The following CRYBG3 variants were observed in gnomAD, a reference collection of about 807,000 sequenced individuals.
The protein encoded by CRYBG3 is very large A-kinase anchor protein.
A neutral mutation model predicts 244.2 loss-of-function variants in CRYBG3; 127 were observed. The observed-to-expected ratio is 0.52, with a 90% CI of 0.45 to 0.60. The LOEUF is 0.60. Ranked by LOEUF, CRYBG3 falls within the 20% of genes least tolerant of loss-of-function variation. The probability of loss-of-function intolerance (pLI) is 0.00; values close to 1 mark genes in which losing one functional copy is unlikely to be tolerated. For synonymous variants in CRYBG3, 1,132 were observed against 1,195.8 expected (o/e 0.95, Z 1.10); for missense variants, 3,325 against 3,442.5 (o/e 0.97, Z 0.85).
intron 15 of CRYBG3, among the ~76,000 whole-genome samples, chr3:97,910,457 G>A (rs540893342): frequency 1.5e-3 from 231 of 152,316 alleles, no homozygotes; most frequent in Non-Finnish European, 2.4e-3. Context: ...GTGGTGTACC[G>A]TTTTTTAAGC....
In CRYBG3 at chr3:97,873,631, G is replaced by A; in HGVS notation, c.2437G>A (p.Val813Ile). Residue 813 changes from valine (V) to isoleucine (I), a missense_variant, in exon 4 of 22, where the codon GTA (valine) becomes ATA (isoleucine). Physicochemically the swap from Val to Ile is conservative, Grantham distance 29 (BLOSUM62 3). Around this residue, in one of 4 missense-constraint regions of CRYBG3, gnomAD observed 1,526 missense variants for 1,443.2 expected, o/e 1.06. Transcript: ENST00000389622. ...CTTGGAAGCCAAAACTGCTAACATT[G>A]TATCAAAAGCTGAAATTGATGGTCA... ...LSLEAKTANIVSKAEIDGQNN... is the reference protein window; with the variant it reads ...LSLEAKTANIISKAEIDGQNN... 1 of 1,534,544 alleles carries A rather than the reference G, an allele frequency of 6.5e-7. No individual in the cohort carries two copies. The highest frequency in any genetic ancestry group is 1.4e-5 in the African/African-American group (1 of 73,070).
chr3:97,823,742 G>GA (rs1272042340), intron 1 of CRYBG3, among the ~76,000 whole-genome samples: 1 of 152,226 alleles, frequency 6.6e-6, no homozygotes, highest in Non-Finnish European at 1.5e-5. Context: ...AGTCTGCAAG[G>GA]AAATCCCAAG....
chr3:97,885,716 C>T (rs2039500128), intron 7 of CRYBG3, among the ~76,000 whole-genome samples: 2 of 152,086 alleles, frequency 1.3e-5, no homozygotes, highest in Non-Finnish European at 2.9e-5. Flanking sequence ...AGCATGAAGA[C>T]CAATATGATT....
intron 1 of CRYBG3, among the ~76,000 whole-genome samples, chr3:97,835,720 G>A (rs1037874250): frequency 6.6e-6 from 1 of 152,130 alleles, no homozygotes; most frequent in Non-Finnish European, 1.5e-5. Context: ...TTTCAGTTGG[G>A]GGGGAGGTCA....
intron 3 of CRYBG3, among the ~76,000 whole-genome samples, chr3:97,865,109 A>G (rs998585785): frequency 6.6e-6 from 1 of 152,170 alleles, no homozygotes; most frequent in Non-Finnish European, 1.5e-5. Flanking sequence ...AAACTAAAAT[A>G]TTGCTTGAAT....
intron 2 of CRYBG3, among the ~76,000 whole-genome samples, chr3:97,844,232 G>T (rs1200203390): frequency 6.6e-6 from 1 of 152,066 alleles, no homozygotes; most frequent in Non-Finnish European, 1.5e-5. Flanking sequence ...TCACTCCTTT[G>T]TGAGTCTGGC....
chr3:97,858,138 A>G (rs972275192), intron 2 of CRYBG3, among the ~76,000 whole-genome samples: 4 of 146,190 alleles, frequency 2.7e-5, no homozygotes, highest in African/African-American at 1.0e-4. Flanking sequence ...TCTGAGGGAT[A>G]GCTTTGCTGG....
intron 19 of CRYBG3, among the ~76,000 whole-genome samples, chr3:97,940,664 A>G (rs1340204008): frequency 6.6e-6 from 1 of 152,034 alleles, no homozygotes; most frequent in East Asian, 1.9e-4. Context: ...TAAACAAATA[A>G]TCACAGCTAC....
At chr3:97,884,271 G>A (rs1209052154) in intron 7 of CRYBG3, among the ~76,000 whole-genome samples, 1 of 151,990 alleles carries the variant, frequency 6.6e-6, no homozygotes, top group Non-Finnish European at 1.5e-5. Flanking sequence ...GTAGTAGTGT[G>A]GTGAATCTTG....
intron 19 of CRYBG3, among the ~76,000 whole-genome samples, chr3:97,940,431 A>AC (rs2040215055): frequency 6.6e-6 from 1 of 152,042 alleles, no homozygotes; most frequent in African/African-American, 2.4e-5. Flanking sequence ...ACATAATGGC[A>AC]CAGAATGCAT....
intron 19 of CRYBG3, among the ~76,000 whole-genome samples, chr3:97,938,568 T>C (rs1455199876): frequency 1.3e-5 from 2 of 151,894 alleles, no homozygotes; most frequent in Non-Finnish European, 2.9e-5. Flanking sequence ...ACCATTCTCA[T>C]CCCACCACTC....
intron 17 of CRYBG3, among the ~76,000 whole-genome samples, chr3:97,926,950 A>C (rs549347783): frequency 9.2e-5 from 14 of 152,210 alleles, no homozygotes; most frequent in African/African-American, 2.9e-4. Flanking sequence ...CTCCATGCTC[A>C]TGGATAGGAA....
At chr3:97,829,414 G>C (rs1040876546) in intron 1 of CRYBG3, among the ~76,000 whole-genome samples, 1 of 152,050 alleles carries the variant, frequency 6.6e-6, no homozygotes, top group African/African-American at 2.4e-5. Context: ...CACCCACCTT[G>C]ACCTCTCCAG....
intron 21 of CRYBG3, 117 bp from the exon 22 acceptor site, chr3:97,943,093 CCATTTCAGACTTCTTT>C (rs1277592007): frequency 6.6e-6 from 4 of 607,322 alleles, no homozygotes; most frequent in African/African-American, 3.8e-5. Context: ...ACTCAGCTTC[CCATTTCAGACTTCTTT>C]GTAAATGACA....
intron 2 of CRYBG3, among the ~76,000 whole-genome samples, chr3:97,850,147 C>G (rs567743779): frequency 4.6e-5 from 7 of 152,246 alleles, no homozygotes; most frequent in Non-Finnish European, 8.8e-5. Flanking sequence ...CCACACTACC[C>G]AATCTTGACA....
At position 97,872,862 on chromosome 3, in the gene CRYBG3, C is replaced by G. The variant is rs576568824; in HGVS notation, c.1668C>G (p.Pro556=). The change falls in exon 4 of 22, where the codon CCC becomes CCG. Residue 556 remains proline, a synonymous_variant. Transcript: ENST00000389622. The part of the protein sequence containing the change: ...KAPEDKIESL[P]KDTDQYFETK... ...CAGAAGATAAAATTGAGTCATTACC[C>G]AAAGATACTGACCAATACTTTGAAA... 80 of 1,535,578 alleles carry G rather than the reference C, an allele frequency of 5.2e-5. 2 individuals are homozygous for G. The highest frequency in any genetic ancestry group is 5.1e-4 in the African/African-American group (37 of 73,098).
intron 17 of CRYBG3, among the ~76,000 whole-genome samples, chr3:97,919,714 TAAAAA>T (rs3058034): frequency 7.9e-6 from 1 of 127,070 alleles, no homozygotes; most frequent in Non-Finnish European, 1.7e-5. Flanking sequence ...ATAAAATGAT[TAAAAA>T]AAAAAAAAAA....
At chr3:97,935,747 TG>T (rs1302778193) in intron 18 of CRYBG3, among the ~76,000 whole-genome samples, 2 of 152,074 alleles carry the variant, frequency 1.3e-5, no homozygotes, top group African/African-American at 4.8e-5. Context: ...TCCTAAGCCC[TG>T]GATGACCCTG....
chr3:97,943,944 T>C lies in CRYBG3; in HGVS notation c.*630T>C, dbSNP rs2040291881. On this transcript the variant is annotated 3_prime_UTR_variant, in exon 22 of 22. Coordinates refer to ENST00000389622, the MANE Select transcript of CRYBG3 (RefSeq NM_153605.4). Reference sequence around the variant, plus strand: ...GCACAAGAAGTATTTTCTGTAGCTATTGTTTCCTCAGTCCTTCAAACTAAA... The same window carrying C: ...GCACAAGAAGTATTTTCTGTAGCTACTGTTTCCTCAGTCCTTCAAACTAAA... 6.6e-6 allele frequency: 1 copy of C among 151,984 alleles called. No individual in the cohort carries two copies. The highest frequency in any genetic ancestry group is 1.5e-5 in the Non-Finnish European group (1 of 67,938). The allele number at this position is 151,984 out of a possible 1,614,324, so 9.4% of individuals were successfully genotyped here.
Sources: allele counts gnomAD v4.1 joint callset (sites outside exome capture counted in the v4.1 genomes callset), GRCh38; gene constraint gnomAD v4.1.1; regional missense constraint gnomAD v4.1.1; transcripts MANE v1.5; gene names NCBI Gene and HGNC (gene_info 2026-07-23, HGNC 2026-07-21).